The following SPEF2 variants were observed in gnomAD, a reference collection of about 807,000 sequenced individuals.
The protein encoded by SPEF2 is sperm flagellar and cilia associated 2, also known as sperm flagella and cilia-associated protein 2.
A neutral mutation model predicts 224.6 loss-of-function variants in SPEF2; 187 were observed. The ratio of observed to expected loss-of-function variants is 0.83; its 90% CI spans 0.74 to 0.94. The LOEUF is 0.94. Ranked by LOEUF, SPEF2 falls within the 40% of genes least tolerant of loss-of-function variation. The pLI, the probability that SPEF2 is intolerant of heterozygous loss-of-function variation, is 0.00. For missense variants in SPEF2, 2,170 were observed against 2,135.6 expected (o/e 1.02, Z -0.32); for synonymous variants, 715 against 707.3 (o/e 1.01, Z -0.17).
In SPEF2 at chr5:35,712,869, C is replaced by A; in HGVS notation, c.2897C>A (p.Thr966Asn). The A allele has an allele frequency of 6.2e-7, 1 of 1,613,578 alleles. No homozygotes were observed. Among genetic ancestry groups the A allele is most frequent in the African/African-American group, 1.3e-5 (1 of 75,020 alleles). ...LQEGKGKKGE[T>N]ALKRKGSPKG... ...GAAGGAAAAGGGAAGAAAGGTGAGA[C>A]CGCACTCAAAAGAAAAGGTACAGCA... is the stretch of plus-strand genomic sequence containing the variant. The change falls in exon 20 of 37, where the codon ACC becomes AAC. Residue 966 changes from threonine (T) to asparagine (N), a missense_variant. Physicochemically the swap from Thr to Asn is moderately conservative, Grantham distance 65. Transcript: ENST00000356031.
At chr5:35,648,426 C>G (rs1321298010) in intron 5 of SPEF2, among the ~76,000 whole-genome samples, 1 of 150,682 alleles carries the variant, frequency 6.6e-6, no homozygotes, top group Non-Finnish European at 1.5e-5. Flanking sequence ...ACTCTGTTGC[C>G]CAGGCTGGAG....
At chr5:35,709,410 A>G (rs1740652359) in intron 19 of SPEF2, 1 of 1,159,018 alleles carries the variant, frequency 8.6e-7, no homozygotes, top group East Asian at 5.5e-5. Context: ...AGTAACAGGT[A>G]ACTTCAGGCA....
At chr5:35,637,350 C>T (rs1429094321) in intron 2 of SPEF2, among the ~76,000 whole-genome samples, 1 of 152,132 alleles carries the variant, frequency 6.6e-6, no homozygotes, top group African/African-American at 2.4e-5. Flanking sequence ...TGGAGGTTCT[C>T]ACTCTGCCAT....
intron 7 of SPEF2, among the ~76,000 whole-genome samples, chr5:35,655,839 A>G (rs1748884991): frequency 6.6e-6 from 1 of 152,228 alleles, no homozygotes; most frequent in Non-Finnish European, 1.5e-5. Context: ...TTGAATGCAA[A>G]GCAGAATAAG....
At chr5:35,683,867 G>A (rs1288072686) in intron 10 of SPEF2, 1 of 152,080 alleles carries the variant, frequency 6.6e-6, no homozygotes, top group East Asian at 1.9e-4. Context: ...AATCAAGACA[G>A]CTTAATAATT....
chr5:35,783,158 A>G (rs942349561), intron 30 of SPEF2, among the ~76,000 whole-genome samples: 10 of 152,220 alleles, frequency 6.6e-5, no homozygotes, highest in African/African-American at 2.2e-4. Flanking sequence ...TTTCTGAATT[A>G]TAACAATAGC....
At chr5:35,661,353 A>G (rs1749719282) in intron 8 of SPEF2, among the ~76,000 whole-genome samples, 1 of 144,988 alleles carries the variant, frequency 6.9e-6, no homozygotes, top group Non-Finnish European at 1.5e-5. Context: ...ATATACACAC[A>G]CACATATATA....
intron 9 of SPEF2, among the ~76,000 whole-genome samples, chr5:35,669,802 C>T (rs371172894): frequency 2.6e-5 from 4 of 152,072 alleles, no homozygotes; most frequent in African/African-American, 2.4e-5. Context: ...CTGTGCAAAA[C>T]GAACAAACTG....
At chr5:35,712,306 G>T (rs1741318358) in intron 19 of SPEF2, among the ~76,000 whole-genome samples, 1 of 151,462 alleles carries the variant, frequency 6.6e-6, no homozygotes, top group Non-Finnish European at 1.5e-5. Flanking sequence ...TGTTGCCCAG[G>T]CCATACTCAA....
At chr5:35,655,218 T>C (rs1265585021) in intron 7 of SPEF2, among the ~76,000 whole-genome samples, 1 of 152,180 alleles carries the variant, frequency 6.6e-6, no homozygotes, top group African/African-American at 2.4e-5. Flanking sequence ...TACAGATTAT[T>C]GGGCCCCACC....
intron 26 of SPEF2, chr5:35,764,652 T>G (rs1440632419): frequency 4.4e-6 from 2 of 456,078 alleles, no homozygotes; most frequent in African/African-American, 4.0e-5. Flanking sequence ...CCAAAAGATT[T>G]TGTGAAAGTG....
chr5:35,781,766 G>GA (rs1410341606), intron 30 of SPEF2: 1 of 152,044 alleles, frequency 6.6e-6, no homozygotes, highest in African/African-American at 2.4e-5. Flanking sequence ...TATACCATTT[G>GA]AAAAAATATA....
In SPEF2 at chr5:35,648,548, A is replaced by T. The variant is rs1317359839; in HGVS notation, c.727-813A>T. Among the ~76,000 whole-genome samples, 12 of 150,880 alleles carry T rather than the reference A, an allele frequency of 8.0e-5. No homozygotes were observed. In the East Asian group the frequency reaches 2.3e-3, roughly 29 times the overall value. On this transcript the variant is annotated intron_variant, in intron 5 of 36. Coordinates refer to ENST00000356031, the MANE Select transcript of SPEF2 (RefSeq NM_024867.4). ...TACAGGTCCGCAAGGCTGCTCTCGA[A>T]CTCCTGGGCTCAAGCAAACCACTGG...
intron 24 of SPEF2, among the ~76,000 whole-genome samples, chr5:35,759,087 A>C (rs2149744391): frequency 6.6e-6 from 1 of 151,566 alleles, no homozygotes; most frequent in Non-Finnish European, 1.5e-5. Flanking sequence ...TCCACAGCTA[A>C]AGTTGTTCTA....
chr5:35,625,161 A>G (rs370756657), intron 1 of SPEF2, among the ~76,000 whole-genome samples: 1 of 152,200 alleles, frequency 6.6e-6, no homozygotes, highest in Admixed American at 6.5e-5. Context: ...TCTTATGCAT[A>G]AAAAGCTTCA....
intron 3 of SPEF2, 28 bp downstream of exon 3, chr5:35,641,711 A>G (rs1746648025): frequency 1.3e-6 from 2 of 1,590,288 alleles, no homozygotes; most frequent in African/African-American, 1.4e-5. Context: ...CATAATAAGC[A>G]TGTCACAGTG....
intron 23 of SPEF2, among the ~76,000 whole-genome samples, chr5:35,745,247 G>A (rs1434896042): frequency 6.6e-6 from 1 of 152,104 alleles, no homozygotes; most frequent in African/African-American, 2.4e-5. Flanking sequence ...AGGAGCAGGG[G>A]GTAAAACTCC....
chr5:35,693,956 T>A (rs1047622240), intron 12 of SPEF2, among the ~76,000 whole-genome samples: 2 of 152,224 alleles, frequency 1.3e-5, no homozygotes, highest in African/African-American at 4.8e-5. Context: ...TTGTTCAAGA[T>A]GGTTTTCCAT....
At chr5:35,745,380 C>A (rs908143981) in intron 23 of SPEF2, among the ~76,000 whole-genome samples, 2 of 152,166 alleles carry the variant, frequency 1.3e-5, no homozygotes, top group Admixed American at 6.5e-5. Context: ...GGGGAAGACC[C>A]AAGCCCTTTT....
Sources: allele counts gnomAD v4.1 joint callset (sites outside exome capture counted in the v4.1 genomes callset), GRCh38; gene constraint gnomAD v4.1.1; transcripts MANE v1.5; gene names NCBI Gene and HGNC (gene_info 2026-07-23, HGNC 2026-07-21).